The following AUTS2 variants were observed in gnomAD, a reference collection of about 807,000 sequenced individuals.
AUTS2 encodes activator of transcription and developmental regulator AUTS2, also known as autism susceptibility gene 2 protein.
In AUTS2, 17 loss-of-function variants were observed where a neutral mutation model predicts 112.4. The ratio of observed to expected loss-of-function variants is 0.15; its 90% CI spans 0.10 to 0.23. The LOEUF (loss-of-function observed/expected upper bound fraction) is 0.23. Ranked by LOEUF, AUTS2 falls within the 10% of genes least tolerant of loss-of-function variation. The probability of loss-of-function intolerance (pLI) is 1.00; values close to 1 mark genes in which losing one functional copy is unlikely to be tolerated. For synonymous variants in AUTS2, 751 were observed against 702.7 expected (o/e 1.07, Z -1.09); for missense variants, 1,510 against 1,701.6 (o/e 0.89, Z 1.98).
intron 1 of AUTS2, among the ~76,000 whole-genome samples, chr7:69,603,927 C>T (rs1364965266): frequency 6.6e-6 from 1 of 152,078 alleles, no homozygotes; most frequent in African/African-American, 2.4e-5. Context: ...ATTAGGAAGC[C>T]ACGTGAGTAC....
rs34972760 is a variant in AUTS2 at position 70,716,636 on chromosome 7, CAAAAAA to C, written c.742+18040_742+18045del. Among the ~76,000 whole-genome samples, 76 of 64,924 alleles carry C rather than the reference CAAAAAA, an allele frequency of 1.2e-3. 1 individual carries two copies. Among genetic ancestry groups the C allele is most frequent in the Middle Eastern group, 0.05 (2 of 40 alleles). The allele number at this position is 64,924 out of a possible 152,430, so 42.6% of individuals were successfully genotyped here. A position where few individuals can be genotyped will look rare whatever the true frequency, so the allele number is the denominator to read the frequency against. On this transcript the variant is annotated intron_variant, in intron 6 of 18. Coordinates refer to ENST00000342771, the MANE Select transcript of AUTS2 (RefSeq NM_015570.4). ...TGGGTGACAGAGCGAGACTCCGTCT[CAAAAAA>C]AAAAAAAAAAAAAAAAAAAAAAAGG...
intron 4 of AUTS2, among the ~76,000 whole-genome samples, chr7:70,209,451 G>A (rs1810743109): frequency 6.6e-6 from 1 of 152,194 alleles, no homozygotes; most frequent in Non-Finnish European, 1.5e-5. Context: ...TGTCCAGCGT[G>A]GAGGTATAAA....
chr7:70,757,841 G>T (rs549652196), intron 6 of AUTS2, among the ~76,000 whole-genome samples: 175 of 101,974 alleles, frequency 1.7e-3, no homozygotes, highest in Non-Finnish European at 2.7e-3. Context: ...TTGGAAACAG[G>T]GTCTTGCTCT....
chr7:70,636,253 C>T (rs191496613), intron 5 of AUTS2, among the ~76,000 whole-genome samples: 59 of 152,296 alleles, frequency 3.9e-4, no homozygotes, highest in African/African-American at 1.4e-3. Flanking sequence ...AGCATGTTCT[C>T]CAGGTGTGGT....
At chr7:70,489,563 C>T (rs576029670) in intron 5 of AUTS2, among the ~76,000 whole-genome samples, 1 of 152,290 alleles carries the variant, frequency 6.6e-6, no homozygotes, top group Admixed American at 6.5e-5. Flanking sequence ...ACTTTAGTGA[C>T]GTAGAGATTT....
chr7:70,695,346 G>A (rs984245337), intron 5 of AUTS2, among the ~76,000 whole-genome samples: 2 of 152,244 alleles, frequency 1.3e-5, no homozygotes, highest in Non-Finnish European at 2.9e-5. Context: ...GATGTGAGGA[G>A]GGGGCCGGGG....
chr7:69,747,784 G>GGTGTGTGT (rs10695531), intron 1 of AUTS2, among the ~76,000 whole-genome samples: 35,630 of 144,270 alleles, frequency 0.25, 4,743 homozygotes, highest in Non-Finnish European at 0.3. Flanking sequence ...GAAGGAGAGG[G>GGTGTGTGT]GTGTGTGTGT....
intron 5 of AUTS2, among the ~76,000 whole-genome samples, chr7:70,640,099 A>G (rs945371921): frequency 6.6e-6 from 1 of 151,992 alleles, no homozygotes; most frequent in Admixed American, 6.5e-5. Context: ...CTCAGAGCAG[A>G]TTTAATCCTA....
chr7:69,872,460 A>G (rs547743027), intron 1 of AUTS2, among the ~76,000 whole-genome samples: 2 of 152,288 alleles, frequency 1.3e-5, no homozygotes, highest in Admixed American at 6.5e-5. Flanking sequence ...CCTGAATTCT[A>G]TTCTAAGTGC....
chr7:70,515,932 C>A (rs555678380), intron 5 of AUTS2, among the ~76,000 whole-genome samples: 1 of 152,158 alleles, frequency 6.6e-6, no homozygotes, highest in South Asian at 2.1e-4. Context: ...AACTTATCAG[C>A]CCTAAACAGA....
intron 4 of AUTS2, among the ~76,000 whole-genome samples, chr7:70,165,244 A>T (rs1200399277): frequency 6.6e-6 from 1 of 152,196 alleles, no homozygotes; most frequent in African/African-American, 2.4e-5. Flanking sequence ...ACTTCAAGAG[A>T]GAGAAAATAG....
intron 1 of AUTS2, among the ~76,000 whole-genome samples, chr7:69,706,507 C>T (rs574222275): frequency 1.7e-4 from 26 of 152,290 alleles, no homozygotes; most frequent in Admixed American, 1.2e-3. Flanking sequence ...GAGTTTTGGA[C>T]GCTCTGCCTT....
chr7:69,875,411 G>C (rs1048037648), intron 1 of AUTS2, among the ~76,000 whole-genome samples: 2 of 152,054 alleles, frequency 1.3e-5, no homozygotes, highest in Non-Finnish European at 2.9e-5. Flanking sequence ...GCTCCTATCT[G>C]AGCCAGATTG....
At chr7:69,641,749 C>T (rs1205725054) in intron 1 of AUTS2, among the ~76,000 whole-genome samples, 1 of 152,204 alleles carries the variant, frequency 6.6e-6, no homozygotes, top group Non-Finnish European at 1.5e-5. Context: ...TATTCTTTCA[C>T]ACAAATGTTC....
rs1211958927 is a variant in AUTS2, at chr7:70,337,852, C to G, written c.661-97900C>G. On this transcript the variant is annotated intron_variant, in intron 4 of 18. Coordinates refer to ENST00000342771, the MANE Select transcript of AUTS2 (RefSeq NM_015570.4). ...GGATCAGTCCCTGAGGCCTTGCTCT[C>G]TGCCTCAGTTTACTGTTGTTGGAAG... Among the ~76,000 whole-genome samples the G allele has an allele frequency of 2.6e-5, 4 of 152,348 alleles. No homozygotes were observed. The East Asian group carries it at 5.8e-4, about 22-fold the overall frequency.
chr7:70,141,359 T>C (rs1806854147), intron 4 of AUTS2, among the ~76,000 whole-genome samples: 1 of 152,156 alleles, frequency 6.6e-6, no homozygotes, highest in African/African-American at 2.4e-5. Flanking sequence ...ATACTCTTAC[T>C]TGGAGTTAGT....
intron 5 of AUTS2, among the ~76,000 whole-genome samples, chr7:70,446,575 T>A (rs1051100167): frequency 6.6e-6 from 1 of 152,204 alleles, no homozygotes; most frequent in African/African-American, 2.4e-5. Context: ...CTAATGGTAG[T>A]CGTACATCAT....
At chr7:70,321,502 C>T (rs978982945) in intron 4 of AUTS2, among the ~76,000 whole-genome samples, 1 of 151,994 alleles carries the variant, frequency 6.6e-6, no homozygotes. Context: ...CTTTTTAAAG[C>T]GATTTCATTA....
intron 1 of AUTS2, among the ~76,000 whole-genome samples, chr7:69,646,782 T>C (rs1795039839): frequency 6.6e-6 from 1 of 151,814 alleles, no homozygotes; most frequent in African/African-American, 2.4e-5. Context: ...CTTCCCTGTT[T>C]GCTTTAAAAA....
Sources: allele counts gnomAD v4.1 joint callset (sites outside exome capture counted in the v4.1 genomes callset), GRCh38; gene constraint gnomAD v4.1.1; transcripts MANE v1.5; gene names NCBI Gene and HGNC (gene_info 2026-07-23, HGNC 2026-07-21).